SIPA1L3: variants seen among roughly 807,000 people sequenced by gnomAD.
SIPA1L3 encodes the protein signal induced proliferation associated 1 like 3.
Under a neutral mutation model 150.1 loss-of-function variants are expected in SIPA1L3, and 59 were observed. The observed-to-expected ratio is 0.39, with a 90% CI of 0.32 to 0.49. The LOEUF (loss-of-function observed/expected upper bound fraction) is 0.49. SIPA1L3 is among the 20% of genes least tolerant of loss of function. The probability of loss-of-function intolerance (pLI) is 0.86; values close to 1 mark genes in which losing one functional copy is unlikely to be tolerated. For missense variants in SIPA1L3, 2,211 were observed against 2,489.5 expected, an observed-to-expected ratio of 0.89 and a Z score of 2.38; for synonymous variants, 1,070 against 1,077.6, an observed-to-expected ratio of 0.99 and a Z score of 0.14.
chr19:38,142,014 A>C (rs887193322), intron 11 of SIPA1L3, among the ~76,000 whole-genome samples: 16 of 152,168 alleles, frequency 1.1e-4, no homozygotes, highest in Admixed American at 2.0e-4. Context: ...TTTAAGGTGA[A>C]GGGACTGATA....
intron 1 of SIPA1L3, among the ~76,000 whole-genome samples, chr19:37,987,108 T>G (rs1037034774): frequency 6.6e-6 from 1 of 151,900 alleles, no homozygotes; most frequent in Non-Finnish European, 1.5e-5. Context: ...TCGAATTTTT[T>G]GTAGAGATGG....
At chr19:38,197,895 G>A (rs1396461389) in intron 18 of SIPA1L3, among the ~76,000 whole-genome samples, 4 of 73,106 alleles carry the variant, frequency 5.5e-5, no homozygotes, top group East Asian at 3.2e-4. Flanking sequence ...CACACAGTCC[G>A]TCCCCCACAT....
intron 1 of SIPA1L3, among the ~76,000 whole-genome samples, chr19:37,943,208 C>G (rs746031001): frequency 6.6e-6 from 1 of 152,100 alleles, no homozygotes; most frequent in Non-Finnish European, 1.5e-5. Context: ...CACATCTCGT[C>G]TAGCCCTCAT....
chr19:37,967,376 C>G (rs1020931739), intron 1 of SIPA1L3, among the ~76,000 whole-genome samples: 5 of 151,962 alleles, frequency 3.3e-5, no homozygotes, highest in African/African-American at 1.2e-4. Context: ...GCCTCAGCCT[C>G]CCGAGTAGCT....
rs117126248 is a variant in SIPA1L3 at position 38,037,377 on chromosome 19, C to T, written c.-311+8221C>T. Among the ~76,000 whole-genome samples, 62 of 152,226 alleles carry T rather than the reference C, an allele frequency of 4.1e-4. No homozygotes were observed. The East Asian group carries it at 8.5e-3, about 21-fold the overall frequency. On this transcript the variant is annotated intron_variant, in intron 2 of 21. Transcript: ENST00000222345. ...GGAGAGAGTCCCTGGTAGAGGGAAC[C>T]GCATCAGCAGAGCTCCGGACGTGGG...
intron 1 of SIPA1L3, among the ~76,000 whole-genome samples, chr19:37,995,891 A>C (rs538603109): frequency 6.6e-6 from 1 of 152,094 alleles, no homozygotes; most frequent in South Asian, 2.1e-4. Context: ...TTATCAACTC[A>C]GTGGAAAGAG....
chr19:38,157,866 T>C (rs1425250682), intron 13 of SIPA1L3, among the ~76,000 whole-genome samples: 1 of 152,164 alleles, frequency 6.6e-6, no homozygotes, highest in Non-Finnish European at 1.5e-5. Context: ...TCTGCCTTAT[T>C]GGAGCTGAAA....
intron 1 of SIPA1L3, among the ~76,000 whole-genome samples, chr19:37,973,521 C>T (rs1966991875): frequency 7.8e-6 from 1 of 127,456 alleles, no homozygotes; most frequent in African/African-American, 3.1e-5. Flanking sequence ...AGGTGTGAGC[C>T]ACTGTGCCTG....
rs765717001 is a variant in SIPA1L3, at chr19:38,201,970, C to T, written c.5093C>T (p.Pro1698Leu). ...CACCTGAGCCTGGAGAGGGGACCCC[C>T]GACCCCCAGGACCACCCCTACCATG... ...HSHLSLERGP[P>L]TPRTTPTMSE... Residue 1698 changes from proline (P) to leucine (L), a missense_variant, in exon 20 of 22, where the codon CCG becomes CTG. By Grantham distance (98) the Pro-to-Leu change is moderately conservative. This residue lies in a region of SIPA1L3 where 63 missense variants were observed against 106.1 expected (regional missense o/e 0.59). Coordinates refer to ENST00000222345, the MANE Select transcript of SIPA1L3 (RefSeq NM_015073.3). The T allele has an allele frequency of 1.5e-5, 25 of 1,613,070 alleles. No homozygotes were observed. Among genetic ancestry groups the T allele is most frequent in the Non-Finnish European group, 1.2e-5 (14 of 1,179,608 alleles).
chr19:37,920,379 A>C (rs1246654365), intron 1 of SIPA1L3, among the ~76,000 whole-genome samples: 3 of 152,184 alleles, frequency 2.0e-5, no homozygotes, highest in Non-Finnish European at 2.9e-5. Flanking sequence ...TATCTATAAG[A>C]TGCTCATGCT....
At chr19:38,189,492 G>A (rs976426746) in intron 16 of SIPA1L3, among the ~76,000 whole-genome samples, 7 of 152,026 alleles carry the variant, frequency 4.6e-5, no homozygotes, top group African/African-American at 1.2e-4. Context: ...TTGGCCAGGC[G>A]CGGTGGCCCA....
intron 10 of SIPA1L3, among the ~76,000 whole-genome samples, chr19:38,137,214 A>C (rs1439821084): frequency 6.6e-6 from 1 of 151,866 alleles, no homozygotes; most frequent in Admixed American, 6.6e-5. Flanking sequence ...TTTGAGATGG[A>C]GTCTCACTCT....
At chr19:38,017,369 C>G in intron 1 of SIPA1L3, among the ~76,000 whole-genome samples, 1 of 152,176 alleles carries the variant, frequency 6.6e-6, no homozygotes, top group Non-Finnish European at 1.5e-5. Flanking sequence ...CTCTGAAGGT[C>G]ATTCTTAAAT....
chr19:38,198,673 C>T (rs1973021131), intron 19 of SIPA1L3, 141 bp downstream of exon 19: 1 of 850,894 alleles, frequency 1.2e-6, no homozygotes, highest in African/African-American at 1.8e-5. Flanking sequence ...TGCCCCGTCA[C>T]TTGCTTACCA....
intron 1 of SIPA1L3, among the ~76,000 whole-genome samples, chr19:37,974,883 G>T (rs1807157): frequency 0.15 from 22,845 of 152,086 alleles, 1,936 homozygotes; most frequent in Middle Eastern, 0.27. Flanking sequence ...TTTATAAAGG[G>T]TAGTTAATTT....
At chr19:38,076,891 C>T (rs767077099) in intron 2 of SIPA1L3, among the ~76,000 whole-genome samples, 2 of 152,070 alleles carry the variant, frequency 1.3e-5, no homozygotes, top group South Asian at 2.1e-4. Flanking sequence ...ATTTTTATCT[C>T]GTGTTGCAAA....
chr19:38,027,498 G>A (rs765978371), intron 1 of SIPA1L3, among the ~76,000 whole-genome samples: 2 of 151,976 alleles, frequency 1.3e-5, no homozygotes, highest in Admixed American at 6.6e-5. Flanking sequence ...GGAGCTGACC[G>A]GCCTTTGAGG....
At position 37,917,293 on chromosome 19, in the gene SIPA1L3, G is replaced by T. The variant is rs963378538; in HGVS notation, c.-379+9935G>T. On this transcript the variant is annotated intron_variant, in intron 1 of 21. Coordinates refer to ENST00000222345, the MANE Select transcript of SIPA1L3 (RefSeq NM_015073.3). ...CTGGCCGAGGGTATGAGATTCACGT[G>T]TAAATCAAAGGTGGTAGTTCAGTGA... Among the ~76,000 whole-genome samples, 4 of 152,148 alleles carry T rather than the reference G, an allele frequency of 2.6e-5. No homozygotes were observed. The East Asian group carries it at 7.7e-4, about 29-fold the overall frequency.
intron 1 of SIPA1L3, among the ~76,000 whole-genome samples, chr19:38,002,771 A>G (rs1001606840): frequency 4.0e-5 from 6 of 148,750 alleles, no homozygotes; most frequent in African/African-American, 1.5e-4. Context: ...TATATCTCAC[A>G]TTTTGCTTAT....
Sources: allele counts gnomAD v4.1 joint callset (sites outside exome capture counted in the v4.1 genomes callset), GRCh38; gene constraint gnomAD v4.1.1; regional missense constraint gnomAD v4.1.1; transcripts MANE v1.5; gene names NCBI Gene and HGNC (gene_info 2026-07-23, HGNC 2026-07-21).